Variants in MROH7 observed in about 807,000 individuals in gnomAD.
MROH7 encodes the protein maestro heat like repeat family member 7, also known as maestro heat-like repeat-containing protein family member 7.
Under a neutral mutation model 129.2 loss-of-function variants are expected in MROH7, and 113 were observed. The ratio of observed to expected loss-of-function variants is 0.87; its 90% CI spans 0.75 to 1.02. The LOEUF (loss-of-function observed/expected upper bound fraction) is 1.02. Among genes scored for constraint, MROH7 ranks in the 50% least tolerant of loss-of-function variants. The pLI, the probability that MROH7 is intolerant of heterozygous loss-of-function variation, is 0.00. For missense variants in MROH7, 1,601 were observed against 1,671.3 expected (o/e 0.96, Z 0.73); for synonymous variants, 655 against 667.9 (o/e 0.98, Z 0.30).
chr1:54,658,624 T>C (rs372273073), intron 3 of MROH7, among the ~76,000 whole-genome samples: 3 of 152,332 alleles, frequency 2.0e-5, no homozygotes, highest in African/African-American at 4.8e-5. Context: ...TGAAAATTTA[T>C]AGAAGTATAC....
chr1:54,702,401 TTCC>T (rs757560821), intron 20 of MROH7, among the ~76,000 whole-genome samples, 156 bp downstream of exon 20: 66 of 152,346 alleles, frequency 4.3e-4, no homozygotes, highest in Admixed American at 1.3e-3. Flanking sequence ...ATCAGGATTC[TTCC>T]TCAACACGGC....
intron 16 of MROH7, among the ~76,000 whole-genome samples, 191 bp downstream of exon 16, chr1:54,692,752 A>T (rs1254398830): frequency 6.6e-6 from 1 of 152,116 alleles, no homozygotes; most frequent in Non-Finnish European, 1.5e-5. Flanking sequence ...GATAGCACTC[A>T]CTCTTCAGAG....
chr1:54,667,532 T>G (rs1379909073), intron 4 of MROH7, among the ~76,000 whole-genome samples: 1 of 151,716 alleles, frequency 6.6e-6, no homozygotes, highest in Non-Finnish European at 1.5e-5. Flanking sequence ...CTCGGCTCAC[T>G]GCAACTTTTG....
chr1:54,699,920 G>T (rs1189480631), intron 17 of MROH7: 3 of 587,854 alleles, frequency 5.1e-6, no homozygotes, highest in Non-Finnish European at 9.1e-6. Context: ...TCAGAGTGGA[G>T]GTGGGCATCC....
At chr1:54,702,512 G>C in intron 20 of MROH7, 111 bp from the exon 21 acceptor site, 1 of 1,090,050 alleles carries the variant, frequency 9.2e-7, no homozygotes, top group Admixed American at 2.8e-5. Flanking sequence ...ATTAAAAATG[G>C]TCAGCTTCAC....
chr1:54,694,996 G>T (rs1260560387), intron 16 of MROH7, among the ~76,000 whole-genome samples: 1 of 152,202 alleles, frequency 6.6e-6, no homozygotes, highest in Non-Finnish European at 1.5e-5. Context: ...TGCTTCGAAG[G>T]ATCAGATGGA....
chr1:54,695,111 G>A (rs1645299680), intron 16 of MROH7, among the ~76,000 whole-genome samples: 1 of 152,120 alleles, frequency 6.6e-6, no homozygotes, highest in Non-Finnish European at 1.5e-5. Flanking sequence ...TGCAGCTGAG[G>A]GTCTTCAGCC....
intron 3 of MROH7, among the ~76,000 whole-genome samples, chr1:54,663,009 C>T (rs1366941907): frequency 6.6e-6 from 1 of 152,112 alleles, no homozygotes; most frequent in African/African-American, 2.4e-5. Flanking sequence ...TGCATCCTGT[C>T]TGGTGCCTCA....
intron 3 of MROH7, among the ~76,000 whole-genome samples, chr1:54,658,790 A>G (rs1357982840): frequency 1.3e-5 from 2 of 151,966 alleles, no homozygotes; most frequent in African/African-American, 2.4e-5. Flanking sequence ...GTGTGTGTCT[A>G]TGTTGGTAGT....
chr1:54,665,167 G>A lies in MROH7; in HGVS notation c.1232G>A (p.Gly411Glu), dbSNP rs1161473803. 1 of 1,613,652 alleles carries A rather than the reference G, an allele frequency of 6.2e-7. No individual in the cohort carries two copies. Among genetic ancestry groups the A allele is most frequent in the South Asian group, 1.1e-5 (1 of 91,058 alleles). ...DAVTLQGIPE[G>E]AFDEVTSCLV... ...TTCTCATTGAAATCGTGCCCTGCAG[G>A]AGCCTTTGATGAAGTGACCTCATGC... Residue 411 changes from glycine (G) to glutamate (E), a missense_variant and splice_region_variant, in exon 4 of 24, where the codon GGA becomes GAA. By Grantham distance (98) the Gly-to-Glu change is moderately conservative (BLOSUM62 -2). Coordinates refer to ENST00000421030, the MANE Select transcript of MROH7 (RefSeq NM_001039464.4).
Position 54,670,935 on chromosome 1 carries a change from G to T in MROH7, c.1599+6G>T. 1 of 1,595,282 alleles carries T rather than the reference G, an allele frequency of 6.3e-7. No individual in the cohort carries two copies. Among genetic ancestry groups the T allele is most frequent in the Non-Finnish European group, 8.5e-7 (1 of 1,171,430 alleles). Reference sequence around the variant, plus strand: ...CCAAGGCTGAGACCATCCAGGTGAGGCGGGACCTTCCCAGCAGGGCCTCAG... The same window carrying T: ...CCAAGGCTGAGACCATCCAGGTGAGTCGGGACCTTCCCAGCAGGGCCTCAG... On this transcript the variant is annotated splice_donor_region_variant and intron_variant, in intron 7 of 23. Coordinates refer to ENST00000421030, the MANE Select transcript of MROH7 (RefSeq NM_001039464.4).
chr1:54,701,391 C>T lies in MROH7; in HGVS notation c.3285+69C>T, dbSNP rs11591196. ...GGGTCTTTTACTACCTTGGGGGCTG[C>T]ATTTCCACCTGTGCCCCCATCAGGA... On this transcript the variant is annotated intron_variant, in intron 19 of 23. Coordinates refer to ENST00000421030, the MANE Select transcript of MROH7 (RefSeq NM_001039464.4). 8,962 of 1,362,206 alleles carry T rather than the reference C, an allele frequency of 6.6e-3. 44 individuals are homozygous for T. The highest frequency in any genetic ancestry group is 8.0e-3 in the Non-Finnish European group (8,190 of 1,018,486). 84.4% of individuals were successfully genotyped at this position (1,362,206 alleles called of 1,614,324 possible).
chr1:54,653,142 C>T lies in MROH7; in HGVS notation c.216C>T (p.Ala72=), dbSNP rs751249059. 8.1e-6 allele frequency: 13 copies of T among 1,614,192 alleles called. No individual in the cohort carries two copies. Residue 72 remains alanine, a synonymous_variant, in exon 3 of 24, where the codon GCC becomes GCT. Transcript: ENST00000421030. ...CTTTGAGTCCAGTCTCAGGGGAGGC[C>T]TCAGGCCTGGTGTCTGAAAACACCC... is the stretch of plus-strand genomic sequence containing the variant. The part of the protein sequence containing the change: ...NDSLSPVSGE[A]SGLVSENTPR...
intron 5 of MROH7, 24 bp from the exon 6 acceptor site, chr1:54,670,473 G>T: frequency 6.2e-7 from 1 of 1,610,336 alleles, no homozygotes; most frequent in Non-Finnish European, 8.5e-7. Context: ...GTCCTCATCG[G>T]CCCTTCTGTG....
At chr1:54,673,655 G>C (rs1644936513) in intron 8 of MROH7, 46 bp from the exon 9 acceptor site, 1 of 1,444,126 alleles carries the variant, frequency 6.9e-7, no homozygotes, top group Non-Finnish European at 9.7e-7. Context: ...AGCAGCAGGG[G>C]CTGTCATCTA....
At chr1:54,655,308 C>T (rs529704070) in intron 3 of MROH7, among the ~76,000 whole-genome samples, 19 of 152,054 alleles carry the variant, frequency 1.2e-4, no homozygotes, top group Non-Finnish European at 2.4e-4. Flanking sequence ...AGCCACCACA[C>T]CCGACCGAGA....
intron 1 of MROH7, among the ~76,000 whole-genome samples, chr1:54,642,805 C>T (rs1056563311): frequency 2.0e-5 from 3 of 151,130 alleles, no homozygotes; most frequent in Admixed American, 6.6e-5. Flanking sequence ...TGTAGTGACG[C>T]GGTTTTGCCA....
rs1164975868 is a variant in MROH7 at position 54,699,154 on chromosome 1, C to CTTTG, written c.2965-1164_2965-1163insGTTT. 2.3e-5 allele frequency: 2 copies of CTTTG among 85,256 alleles called. 1 individual carries two copies. The highest frequency in any genetic ancestry group is 9.3e-5 in the African/African-American group (2 of 21,584). The allele number at this position is 85,256 out of a possible 1,614,324, so 5.3% of individuals were successfully genotyped here. A position where few individuals can be genotyped will look rare whatever the true frequency, so the allele number is the denominator to read the frequency against. Reference sequence around the variant, plus strand: ...TCTTTCTTTCTTTCTTTCTTTCTTTCTTTCTTTTCTTTCTTTCTTTCTTTC... The same window carrying CTTTG: ...TCTTTCTTTCTTTCTTTCTTTCTTTCTTTGTTTCTTTTCTTTCTTTCTTTCTTTC... On this transcript the variant is annotated intron_variant, in intron 17 of 23. Transcript: ENST00000421030.
chr1:54,688,772 C>T (rs1266097085), intron 15 of MROH7, among the ~76,000 whole-genome samples: 2 of 152,146 alleles, frequency 1.3e-5, no homozygotes, highest in African/African-American at 2.4e-5. Flanking sequence ...GCCCAGAAGG[C>T]TGACGGGCTC....
Sources: gnomAD v4.1 joint callset for allele counts (sites outside exome capture counted in the v4.1 genomes callset) on GRCh38, gnomAD v4.1.1 for gene constraint, MANE v1.5 for transcripts, NCBI Gene and HGNC (gene_info 2026-07-23, HGNC 2026-07-21) for gene names.